MGAT5: variants seen among roughly 807,000 people sequenced by gnomAD.
MGAT5 encodes the protein alpha-1,6-mannosylglycoprotein 6-beta-N-acetylglucosaminyltransferase, also known as alpha-1,6-mannosylglycoprotein 6-beta-N-acetylglucosaminyltransferase A.
Under a neutral mutation model 94.3 loss-of-function variants are expected in MGAT5, and 30 were observed. The observed-to-expected ratio is 0.32, with a 90% confidence interval of 0.24 to 0.43. MGAT5 has a LOEUF of 0.43. MGAT5 is among the 20% of genes least tolerant of loss of function. MGAT5 has a pLI of 1.00. For missense variants in MGAT5, 691 were observed against 905.5 expected (o/e 0.76, Z 3.04); for synonymous variants, 310 against 322.9 (o/e 0.96, Z 0.43).
chr2:134,418,932 G>C (rs1374730495), intron 12 of MGAT5, among the ~76,000 whole-genome samples: 1 of 152,148 alleles, frequency 6.6e-6, no homozygotes, highest in Non-Finnish European at 1.5e-5. Flanking sequence ...GTCCTGCTCT[G>C]CCAGCTCACA....
chr2:134,120,984 C>G (rs971022113), intron 1 of MGAT5, among the ~76,000 whole-genome samples: 1 of 152,058 alleles, frequency 6.6e-6, no homozygotes, highest in African/African-American at 2.4e-5. Flanking sequence ...AGAGCCCACA[C>G]CCGCGCACAC....
At chr2:134,273,854 G>A (rs1684183559) in intron 2 of MGAT5, among the ~76,000 whole-genome samples, 1 of 152,114 alleles carries the variant, frequency 6.6e-6, no homozygotes, top group Non-Finnish European at 1.5e-5. Flanking sequence ...GAAGAGAAAG[G>A]GGACTCAAAG....
chr2:134,322,681 AGGAGCTG>A (rs1324454069), intron 4 of MGAT5, among the ~76,000 whole-genome samples: 1 of 152,144 alleles, frequency 6.6e-6, no homozygotes, highest in East Asian at 1.9e-4. Flanking sequence ...GTGGCTTTGT[AGGAGCTG>A]TTGGTTCACT....
intron 1 of MGAT5, among the ~76,000 whole-genome samples, chr2:134,234,641 T>A (rs1681540253): frequency 6.6e-6 from 1 of 152,214 alleles, no homozygotes; most frequent in African/African-American, 2.4e-5. Context: ...TAAATTCCCT[T>A]CGTTTCTTGG....
At position 134,180,489 on chromosome 2, in the gene MGAT5, C is replaced by T. The variant is rs116248026; in HGVS notation, c.-143+60198C>T. On this transcript the variant is annotated intron_variant, in intron 1 of 16. Transcript: ENST00000409645. ...TTCATAGGATCAGTTCACACAGCAA[C>T]GCTATGAAGCATGTGTTACCTTTCA... Among the ~76,000 whole-genome samples the T allele has an allele frequency of 1.9e-3, 291 of 152,312 alleles. 1 individual carries two copies. The highest frequency in any genetic ancestry group is 6.5e-3 in the African/African-American group (272 of 41,558).
At chr2:134,379,727 A>G (rs1347828315) in intron 10 of MGAT5, among the ~76,000 whole-genome samples, 2 of 152,256 alleles carry the variant, frequency 1.3e-5, no homozygotes, top group Non-Finnish European at 2.9e-5. Flanking sequence ...TACAAAATAC[A>G]TATTTCAAGA....
At chr2:134,288,515 T>TAAA (rs879623551) in intron 2 of MGAT5, among the ~76,000 whole-genome samples, 2 of 143,458 alleles carry the variant, frequency 1.4e-5, no homozygotes, top group African/African-American at 2.6e-5. Flanking sequence ...TCTAGCTCTT[T>TAAA]AAAAAAAAAA....
chr2:134,243,788 G>A (rs563589547), intron 1 of MGAT5, among the ~76,000 whole-genome samples: 1 of 152,232 alleles, frequency 6.6e-6, no homozygotes, highest in Admixed American at 6.5e-5. Context: ...TGCAAATAGG[G>A]CAGCTGGAAC....
intron 8 of MGAT5, among the ~76,000 whole-genome samples, chr2:134,345,597 G>T (rs1385751455): frequency 6.6e-6 from 1 of 152,168 alleles, no homozygotes; most frequent in East Asian, 1.9e-4. Flanking sequence ...CTCAGTGTTT[G>T]CCTGAGTGTG....
At chr2:134,131,578 T>A (rs1686170482) in intron 1 of MGAT5, among the ~76,000 whole-genome samples, 1 of 49,652 alleles carries the variant, frequency 2.0e-5, no homozygotes, top group Non-Finnish European at 3.2e-5. Context: ...ATTGATTTTT[T>A]TTTTTTTTTT....
At chr2:134,180,431 G>T in intron 1 of MGAT5, among the ~76,000 whole-genome samples, 1 of 152,138 alleles carries the variant, frequency 6.6e-6, no homozygotes, top group South Asian at 2.1e-4. Context: ...TGGTTTACCA[G>T]GATGTTTGTA....
At position 134,156,816 on chromosome 2, in the gene MGAT5, C is replaced by A. The variant is rs148477198; in HGVS notation, c.-143+36525C>A. 3.9e-3 allele frequency among the ~76,000 whole-genome samples: 587 copies of A among 152,280 alleles called. 5 individuals carry two copies. Among genetic ancestry groups the A allele is most frequent in the African/African-American group, 0.013 (556 of 41,562 alleles). On this transcript the variant is annotated intron_variant, in intron 1 of 16. Transcript: ENST00000409645. ...GGCTTTGCATGGGCCCTGAGCAACTCCTCATCTCTCTTGTGTTATGGAGGG... is the reference window on the plus strand; with the variant it reads ...GGCTTTGCATGGGCCCTGAGCAACTACTCATCTCTCTTGTGTTATGGAGGG...
chr2:134,340,718 CAAAG>C (rs1252706166), intron 6 of MGAT5, among the ~76,000 whole-genome samples: 3 of 151,952 alleles, frequency 2.0e-5, no homozygotes, highest in Non-Finnish European at 2.9e-5. Context: ...AGCTAATAAA[CAAAG>C]AAGGAATGGT....
chr2:134,286,043 T>C (rs1195969874), intron 2 of MGAT5, among the ~76,000 whole-genome samples: 2 of 152,212 alleles, frequency 1.3e-5, no homozygotes, highest in African/African-American at 4.8e-5. Context: ...TTTTGATTAA[T>C]TAGGACAATA....
intron 8 of MGAT5, 61 bp downstream of exon 8, chr2:134,345,125 T>C: frequency 6.5e-7 from 1 of 1,535,468 alleles, no homozygotes; most frequent in Non-Finnish European, 8.9e-7. Context: ...AAAGGTTGCA[T>C]GGTTGTGGGT....
intron 4 of MGAT5, among the ~76,000 whole-genome samples, chr2:134,330,534 T>C (rs966943594): frequency 8.3e-5 from 11 of 132,512 alleles, no homozygotes; most frequent in Non-Finnish European, 1.3e-4. Flanking sequence ...TATAAGGCCC[T>C]ATGGGGAATT....
At chr2:134,441,729 T>A in intron 14 of MGAT5, 29 bp from the exon 15 acceptor site, 1 of 1,595,974 alleles carries the variant, frequency 6.3e-7, no homozygotes, top group East Asian at 2.3e-5. Context: ...TCCTTGGACC[T>A]GTGGCTGATG....
rs1683594995 is a variant in MGAT5, at chr2:134,264,838, G to T, written c.242-5548G>T. Among the ~76,000 whole-genome samples the T allele has an allele frequency of 2.0e-5, 3 of 152,192 alleles. No individual in the cohort carries two copies. The South Asian group carries it at 6.2e-4, about 32-fold the overall frequency. ...AGTGAAGCTGCTCTGTGGCTCTGTTGTTCATGCTCTGCCTCTCGGGCAGCC... is the reference window on the plus strand; with the variant it reads ...AGTGAAGCTGCTCTGTGGCTCTGTTTTTCATGCTCTGCCTCTCGGGCAGCC... On this transcript the variant is annotated intron_variant, in intron 1 of 15. Transcript: ENST00000281923.
intron 11 of MGAT5, among the ~76,000 whole-genome samples, chr2:134,404,769 A>G (rs1421322517): frequency 6.6e-6 from 1 of 152,138 alleles, no homozygotes; most frequent in African/African-American, 2.4e-5. Context: ...TTAAGATTTT[A>G]TTTCCTTCCA....
Sources: allele counts gnomAD v4.1 joint callset (sites outside exome capture counted in the v4.1 genomes callset), GRCh38; gene constraint gnomAD v4.1.1; transcripts MANE v1.5; gene names NCBI Gene and HGNC (gene_info 2026-07-23, HGNC 2026-07-21).